The following PIEZO2 variants were observed in gnomAD, a reference collection of about 807,000 sequenced individuals.
The protein encoded by PIEZO2 is piezo-type mechanosensitive ion channel component 2.
PIEZO2 carries 172 observed loss-of-function variants against 337.3 expected under a neutral mutation model. The ratio of observed to expected loss-of-function variants is 0.51; its 90% CI spans 0.45 to 0.58. The LOEUF is 0.58. Ranked by LOEUF, PIEZO2 falls within the 20% of genes least tolerant of loss-of-function variation. PIEZO2 has a pLI of 0.00. For missense variants in PIEZO2, 3,028 were observed against 3,391.3 expected (o/e 0.89, Z 2.66); for synonymous variants, 1,251 against 1,228.5 (o/e 1.02, Z -0.38).
chr18:10,836,171 T>G (rs371302895), intron 7 of PIEZO2, among the ~76,000 whole-genome samples: 6 of 152,158 alleles, frequency 3.9e-5, no homozygotes, highest in East Asian at 1.9e-4. Context: ...TCACTCCCCT[T>G]ATCTCCTATT....
In PIEZO2 at chr18:10,682,721, T is replaced by C. The variant is rs1234919652; in HGVS notation, c.7498-429A>G. On this transcript the variant is annotated intron_variant, in intron 49 of 55. Transcript: ENST00000674853. This position sits in a 1 kb window ranked among gnomAD's most constrained non-coding sequence, Gnocchi z 5.6. ...CTGTGCCTTTCAGTTGACCCTTCCC[T>C]GCCCTTGGAGGGTGAAAAAACATGA... is the stretch of plus-strand genomic sequence containing the variant. 6.6e-6 allele frequency among the ~76,000 whole-genome samples: 1 copy of C among 152,102 alleles called. No homozygotes were observed. Among genetic ancestry groups the C allele is most frequent in the Non-Finnish European group, 1.5e-5 (1 of 68,014 alleles).
chr18:10,839,165 T>C (rs554673718), intron 7 of PIEZO2, among the ~76,000 whole-genome samples: 50 of 152,196 alleles, frequency 3.3e-4, no homozygotes, highest in South Asian at 2.7e-3. Flanking sequence ...ACTGAAAAAA[T>C]AGTAAATAGT....
rs749095970 is a variant in PIEZO2 at position 10,775,369 on chromosome 18, C to A, written c.2535-1331G>T. ...AAATGTTATTAAATGTGGAAGTGAT[C>A]GGCTGCTGCACAGTCGTCAGTATGT... On this transcript the variant is annotated intron_variant, in intron 18 of 55. Coordinates refer to ENST00000674853, the MANE Select transcript of PIEZO2 (RefSeq NM_001378183.1). The surrounding 1 kb of genome is among the most constrained non-coding windows in gnomAD (Gnocchi z 4.3). Among the ~76,000 whole-genome samples, 13 of 152,124 alleles carry A rather than the reference C, an allele frequency of 8.5e-5. 1 individual carries two copies.
chr18:10,948,243 A>G (rs1230342667), intron 3 of PIEZO2, among the ~76,000 whole-genome samples: 1 of 152,190 alleles, frequency 6.6e-6, no homozygotes, highest in African/African-American at 2.4e-5. Flanking sequence ...ACAATATTAC[A>G]TTAAAATTAT....
intron 47 of PIEZO2, among the ~76,000 whole-genome samples, chr18:10,695,078 G>A (rs1405592111): frequency 6.6e-6 from 1 of 152,228 alleles, no homozygotes; most frequent in African/African-American, 2.4e-5. Flanking sequence ...ACCTTCTGCA[G>A]AGCCTTTTCT....
chr18:10,730,315 A>G (rs1019785115), intron 36 of PIEZO2, among the ~76,000 whole-genome samples: 1 of 152,232 alleles, frequency 6.6e-6, no homozygotes, highest in Non-Finnish European at 1.5e-5. Context: ...AGAAAACAGT[A>G]TGTCAGAATA....
rs537377762 is a variant in PIEZO2 at position 10,984,096 on chromosome 18, G to A, written c.161-4436C>T. On this transcript the variant is annotated intron_variant, in intron 2 of 55. Coordinates refer to ENST00000674853, the MANE Select transcript of PIEZO2 (RefSeq NM_001378183.1). ...AAGCCAGTCAGTAAATACTGGAGAA[G>A]GTGACTACTTCTTCAAATTTTAAGA... 2.0e-5 allele frequency among the ~76,000 whole-genome samples: 3 copies of A among 152,112 alleles called. No individual in the cohort carries two copies. The South Asian group carries it at 6.2e-4, about 32-fold the overall frequency.
At chr18:10,896,087 A>G (rs895127370) in intron 4 of PIEZO2, among the ~76,000 whole-genome samples, 13 of 152,098 alleles carry the variant, frequency 8.5e-5, no homozygotes, top group African/African-American at 3.1e-4. Context: ...AACGAAAAAA[A>G]AAAGAAAGAA....
At chr18:10,934,927 G>GACGTGGCA (rs1457654284) in intron 3 of PIEZO2, among the ~76,000 whole-genome samples, 1 of 152,020 alleles carries the variant, frequency 6.6e-6, no homozygotes, top group Non-Finnish European at 1.5e-5. Context: ...CCACCTTACA[G>GACGTGGCA]ACGTGGCAAC....
At chr18:10,831,530 G>T (rs573608954) in intron 7 of PIEZO2, among the ~76,000 whole-genome samples, 27 of 152,270 alleles carry the variant, frequency 1.8e-4, no homozygotes, top group Admixed American at 4.6e-4. Flanking sequence ...GGCTAGGATG[G>T]GTAGTGGGGT....
chr18:10,956,531 T>A (rs971694480), intron 3 of PIEZO2, among the ~76,000 whole-genome samples: 1 of 152,146 alleles, frequency 6.6e-6, no homozygotes, highest in African/African-American at 2.4e-5. Context: ...AAAAAAATTA[T>A]CTTAAAATTT....
chr18:11,083,396 C>A lies in PIEZO2; in HGVS notation c.65-17174G>T, dbSNP rs563327044. ...GTTTGGATGTTTTCCTTGGTAAATT[C>A]TTGGCGTAGAATGAGAGATCCGAAG... On this transcript the variant is annotated intron_variant, in intron 1 of 55. Coordinates refer to ENST00000674853, the MANE Select transcript of PIEZO2 (RefSeq NM_001378183.1). The surrounding 1 kb of genome is among the most constrained non-coding windows in gnomAD (Gnocchi z 4.4). Among the ~76,000 whole-genome samples, 6 of 152,190 alleles carry A rather than the reference C, an allele frequency of 3.9e-5. No individual in the cohort carries two copies. Among genetic ancestry groups the A allele is most frequent in the African/African-American group, 9.7e-5 (4 of 41,450 alleles).
chr18:10,722,431 C>T (rs2036354679), intron 36 of PIEZO2, among the ~76,000 whole-genome samples: 1 of 151,828 alleles, frequency 6.6e-6, no homozygotes, highest in African/African-American at 2.4e-5. Context: ...AGGGTTTCAC[C>T]ATATTGGCCA....
rs2032669060 is a variant in PIEZO2 at position 10,940,517 on chromosome 18, T to C, written c.287-29289A>G. On this transcript the variant is annotated intron_variant, in intron 3 of 55. Transcript: ENST00000674853. This position sits in a 1 kb window ranked among gnomAD's most constrained non-coding sequence, Gnocchi z 5.3. ...ACTAGGATCAGGACTTTATGAAGAATATAGGACAGGACACATTACTGCTTT... is the reference window on the plus strand; with the variant it reads ...ACTAGGATCAGGACTTTATGAAGAACATAGGACAGGACACATTACTGCTTT... Among the ~76,000 whole-genome samples, 1 of 152,216 alleles carries C rather than the reference T, an allele frequency of 6.6e-6. No individual in the cohort carries two copies. Among genetic ancestry groups the C allele is most frequent in the South Asian group, 2.1e-4 (1 of 4,830 alleles).
intron 14 of PIEZO2, among the ~76,000 whole-genome samples, chr18:10,790,504 G>A (rs929616944): frequency 6.6e-6 from 1 of 152,178 alleles, no homozygotes; most frequent in African/African-American, 2.4e-5. Flanking sequence ...AATTATCAAG[G>A]TGATAACATC....
intron 3 of PIEZO2, among the ~76,000 whole-genome samples, chr18:10,968,475 C>T (rs264247): frequency 0.52 from 78,270 of 151,906 alleles, 20,476 homozygotes; most frequent in African/African-American, 0.57. Context: ...TATTTTCTAG[C>T]TGTGTGAAGA....
At chr18:10,778,771 T>C (rs1274312717) in intron 18 of PIEZO2, among the ~76,000 whole-genome samples, 1 of 152,216 alleles carries the variant, frequency 6.6e-6, no homozygotes, top group Admixed American at 6.5e-5. Flanking sequence ...CTGAGAGAAT[T>C]AGCTGGCCTT....
In PIEZO2 at chr18:10,726,489, T is replaced by G. The variant is rs1359831881; in HGVS notation, c.5029+4918A>C. The G allele has an allele frequency of 7.6e-5, 115 of 1,510,524 alleles. No homozygotes were observed. In the East Asian group the frequency reaches 2.3e-3, roughly 30 times the overall value. The allele number at this position is 1,510,524 out of a possible 1,614,324, so 93.6% of individuals were successfully genotyped here. On this transcript the variant is annotated intron_variant, in intron 36 of 55. Coordinates refer to ENST00000674853, the MANE Select transcript of PIEZO2 (RefSeq NM_001378183.1). The surrounding 1 kb of genome is among the most constrained non-coding windows in gnomAD (Gnocchi z 5.9). ...GAGGGCCTGGCCACCCTGCACAGCGTGCTGCTCCGCAAGCAGCCGTTCCTG... is the reference window on the plus strand; with the variant it reads ...GAGGGCCTGGCCACCCTGCACAGCGGGCTGCTCCGCAAGCAGCCGTTCCTG...
intron 7 of PIEZO2, among the ~76,000 whole-genome samples, chr18:10,820,485 G>C (rs1411694945): frequency 6.6e-6 from 1 of 151,862 alleles, no homozygotes; most frequent in Non-Finnish European, 1.5e-5. Flanking sequence ...TATAGCTATG[G>C]TATTTTTGTA....
Sources: gnomAD v4.1 joint callset for allele counts (sites outside exome capture counted in the v4.1 genomes callset) on GRCh38, gnomAD v4.1.1 for gene constraint, Gnocchi (gnomAD v3.1) non-coding constraint, MANE v1.5 for transcripts, NCBI Gene and HGNC (gene_info 2026-07-23, HGNC 2026-07-21) for gene names.